MTR: variants seen among roughly 807,000 people sequenced by gnomAD.
MTR encodes the protein methionine synthase.
A neutral mutation model predicts 154.8 loss-of-function variants in MTR; 84 were observed. The observed-to-expected ratio is 0.54, with a 90% CI of 0.45 to 0.65. MTR has a LOEUF of 0.65. MTR is among the 30% of genes least tolerant of loss of function. MTR has a pLI of 0.00. For synonymous variants in MTR, 554 were observed against 553.9 expected, an observed-to-expected ratio of 1.00 and a Z score of 0.00; for missense variants, 1,275 against 1,570.2, an observed-to-expected ratio of 0.81 and a Z score of 3.18.
chr1:236,895,731 A>G (rs1049818758), intron 31 of MTR, among the ~76,000 whole-genome samples, 181 bp downstream of exon 31: 2 of 152,216 alleles, frequency 1.3e-5, no homozygotes, highest in Non-Finnish European at 2.9e-5. Flanking sequence ...ACTGATTAGT[A>G]TTCTTACATC....
intron 22 of MTR, among the ~76,000 whole-genome samples, chr1:236,871,864 A>G (rs928010343): frequency 1.3e-5 from 2 of 152,178 alleles, no homozygotes; most frequent in African/African-American, 2.4e-5. Context: ...TAAAAAAGTA[A>G]TATGAGTACA....
rs1471069020 is a variant in MTR, at chr1:236,898,405, T to G, written c.*761T>G. On this transcript the variant is annotated 3_prime_UTR_variant, in exon 33 of 33. Coordinates refer to ENST00000366577, the MANE Select transcript of MTR (RefSeq NM_000254.3). ...TTTTTTTTGTTTTGTTTTGTTTTGG[T>G]TTTTTTTTTTTTGAGACAGAGTCTG... 1.2e-4 allele frequency: 2 copies of G among 16,492 alleles called. No individual in the cohort carries two copies. Among genetic ancestry groups the G allele is most frequent in the East Asian group, 4.8e-3 (1 of 208 alleles). The allele number at this position is 16,492 out of a possible 1,614,324, so 1.0% of individuals were successfully genotyped here. A position where few individuals can be genotyped will look rare whatever the true frequency, so the allele number is the denominator to read the frequency against.
At chr1:236,885,077 GT>G in intron 25 of MTR, 43 bp from the exon 26 acceptor site, 1 of 1,272,796 alleles carries the variant, frequency 7.9e-7, no homozygotes, top group Non-Finnish European at 1.1e-6. Flanking sequence ...TACTACACCA[GT>G]TTTATCATCT....
intron 22 of MTR, among the ~76,000 whole-genome samples, chr1:236,871,589 T>C (rs1309387256): frequency 6.6e-6 from 1 of 152,216 alleles, no homozygotes. Context: ...TTTCCTAGTT[T>C]TATATGTGAC....
chr1:236,902,836 C>T lies in MTR; in HGVS notation c.*5192C>T, dbSNP rs1284013282. On this transcript the variant is annotated 3_prime_UTR_variant, in exon 33 of 33. Transcript: ENST00000366577. Reference sequence around the variant, plus strand: ...TGAAGACAGCATATTGGCAGCCCTGCAAAAACAAAACAAAACAAAACCCTC... The same window carrying T: ...TGAAGACAGCATATTGGCAGCCCTGTAAAAACAAAACAAAACAAAACCCTC... 2 of 148,328 alleles carry T rather than the reference C, an allele frequency of 1.3e-5. No homozygotes were observed. Among genetic ancestry groups the T allele is most frequent in the African/African-American group, 5.2e-5 (2 of 38,694 alleles). 9.2% of individuals were successfully genotyped at this position (148,328 alleles called of 1,614,324 possible).
Position 236,803,456 on chromosome 1 carries a change from G to A in MTR, c.63G>A (p.Glu21=). ...GTCTGAAGAAAACCCTGCGGGATGA[G>A]ATCAATGCCATTCTGCAGAAGAGGA... ...PEGLKKTLRD[E]INAILQKRIM... The change falls in exon 2 of 33, where the codon GAG becomes GAA. Residue 21 remains glutamate (E), a synonymous_variant. Coordinates refer to ENST00000366577, the MANE Select transcript of MTR (RefSeq NM_000254.3). 6.2e-7 allele frequency: 1 copy of A among 1,614,160 alleles called. No homozygotes were observed. The highest frequency in any genetic ancestry group is 8.5e-7 in the Non-Finnish European group (1 of 1,180,024).
Position 236,836,120 on chromosome 1 carries a change from TTA to T in MTR, c.1329+435_1329+436del, listed in dbSNP as rs1397404519. On this transcript the variant is annotated intron_variant, in intron 14 of 32. Transcript: ENST00000366577. Reference sequence around the variant, plus strand: ...TATAAAACAAGATTAAATCAAGAGATTATGTCAGCTTTTACATTTGTTCTTCA... The same window carrying T: ...TATAAAACAAGATTAAATCAAGAGATTGTCAGCTTTTACATTTGTTCTTCA... 5.9e-5 allele frequency among the ~76,000 whole-genome samples: 9 copies of T among 152,184 alleles called. 1 individual carries two copies. The highest frequency in any genetic ancestry group is 2.6e-4 in the Admixed American group (4 of 15,274).
At chr1:236,800,896 A>G (rs1467134620) in intron 1 of MTR, among the ~76,000 whole-genome samples, 1 of 152,192 alleles carries the variant, frequency 6.6e-6, no homozygotes, top group Non-Finnish European at 1.5e-5. Context: ...ATCTTGCTGA[A>G]GCATGGAGAG....
intron 19 of MTR, among the ~76,000 whole-genome samples, chr1:236,860,860 G>A (rs1469313614): frequency 1.3e-5 from 2 of 152,096 alleles, no homozygotes; most frequent in African/African-American, 4.8e-5. Context: ...TACTTTGTTT[G>A]TATCAATAAA....
At chr1:236,857,285 T>A (rs1664265031) in intron 18 of MTR, among the ~76,000 whole-genome samples, 1 of 152,188 alleles carries the variant, frequency 6.6e-6, no homozygotes, top group African/African-American at 2.4e-5. Context: ...TCCTTCTTAG[T>A]TATTGTCTAT....
chr1:236,819,039 A>G (rs1661766189), intron 8 of MTR, among the ~76,000 whole-genome samples: 1 of 152,178 alleles, frequency 6.6e-6, no homozygotes, highest in South Asian at 2.1e-4. Context: ...TGGAGTCTCA[A>G]AATTCTCTCA....
At chr1:236,826,399 C>T (rs749108160) in intron 10 of MTR, among the ~76,000 whole-genome samples, 28 of 152,160 alleles carry the variant, frequency 1.8e-4, no homozygotes, top group Admixed American at 2.6e-4. Flanking sequence ...TGGGCTCAAG[C>T]GATCCTCCCA....
intron 8 of MTR, among the ~76,000 whole-genome samples, chr1:236,818,724 T>C (rs993962064): frequency 2.0e-5 from 3 of 152,220 alleles, no homozygotes; most frequent in African/African-American, 7.2e-5. Flanking sequence ...TACTGACTTG[T>C]GATTATCACG....
chr1:236,855,695 T>C (rs1364917903), intron 18 of MTR, among the ~76,000 whole-genome samples: 1 of 151,938 alleles, frequency 6.6e-6, no homozygotes, highest in Non-Finnish European at 1.5e-5. Flanking sequence ...AACTCTAGAG[T>C]GGGAAGAAGT....
chr1:236,806,377 G>A, intron 3 of MTR, 144 bp downstream of exon 3: 2 of 744,158 alleles, frequency 2.7e-6, no homozygotes, highest in Non-Finnish European at 2.4e-6. Context: ...GGAAAATGGT[G>A]TGAATCCTTC....
Position 236,874,716 on chromosome 1 carries a change from A to T in MTR, c.2474-10A>T, listed in dbSNP as rs773386985. ...TTTTGTCCTTTTTTTTTTAAAAAAA[A>T]AAAAAATAGATATAATTGGCCTGTC... On this transcript the variant is annotated splice_polypyrimidine_tract_variant and intron_variant, in intron 23 of 32. Transcript: ENST00000366577. 6 of 1,561,014 alleles carry T rather than the reference A, an allele frequency of 3.8e-6. No homozygotes were observed. The highest frequency in any genetic ancestry group is 3.7e-5 in the South Asian group (3 of 81,698).
In MTR at chr1:236,829,229, C is replaced by T. The variant is rs575229292; in HGVS notation, c.1036C>T (p.Pro346Ser). 12 of 1,613,860 alleles carry T rather than the reference C, an allele frequency of 7.4e-6. No individual in the cohort carries two copies. Among genetic ancestry groups the T allele is most frequent in the African/African-American group, 5.3e-5 (4 of 74,886 alleles). The change falls in exon 12 of 33, where the codon CCA becomes TCA. Residue 346 changes from proline to serine, a missense_variant. By Grantham distance (74) the Pro-to-Ser change is moderately conservative. Coordinates refer to ENST00000366577, the MANE Select transcript of MTR (RefSeq NM_000254.3). ...EAVKNCKPRV[P>S]PATAFEGHML... ...TGTGAAAAATTGTAAGCCTAGAGTT[C>T]CACCTGCCACTGCTTTTGAAGGACA... is the stretch of plus-strand genomic sequence containing the variant.
intron 15 of MTR, among the ~76,000 whole-genome samples, chr1:236,848,015 C>T (rs3768132): frequency 0.024 from 3,621 of 152,278 alleles, 61 homozygotes; most frequent in South Asian, 0.088. Flanking sequence ...ACACCAATGC[C>T]GTGTTCACTC....
At chr1:236,884,893 C>T (rs1665935176) in intron 25 of MTR, among the ~76,000 whole-genome samples, 1 of 152,148 alleles carries the variant, frequency 6.6e-6, no homozygotes, top group Non-Finnish European at 1.5e-5. Context: ...AGTTTGTCTC[C>T]CAGAAACCAG....
Sources: gnomAD v4.1 joint callset for allele counts (sites outside exome capture counted in the v4.1 genomes callset) on GRCh38, gnomAD v4.1.1 for gene constraint, MANE v1.5 for transcripts, NCBI Gene and HGNC (gene_info 2026-07-23, HGNC 2026-07-21) for gene names.